Variants in JAK2 observed in about 807,000 individuals in gnomAD.
JAK2 encodes the protein Janus kinase 2, also known as tyrosine-protein kinase JAK2.
A neutral mutation model predicts 139.3 loss-of-function variants in JAK2; 86 were observed. The observed-to-expected ratio is 0.62, with a 90% CI of 0.52 to 0.74. The LOEUF (loss-of-function observed/expected upper bound fraction) is 0.74, where lower values mean the gene tolerates loss of function less well. Ranked by LOEUF, JAK2 falls within the 30% of genes least tolerant of loss-of-function variation. JAK2 has a pLI of 0.00. For missense variants in JAK2, 1,421 were observed against 1,360.3 expected (o/e 1.04, Z -0.70); for synonymous variants, 490 against 437.7 (o/e 1.12, Z -1.49).
intron 22 of JAK2, among the ~76,000 whole-genome samples, chr9:5,122,204 C>G (rs1212052265): frequency 1.3e-5 from 2 of 152,074 alleles, no homozygotes; most frequent in Non-Finnish European, 2.9e-5. Context: ...TAAAACACAT[C>G]TCTGTAGCTG....
chr9:5,000,524 A>G (rs192691236), intron 2 of JAK2, among the ~76,000 whole-genome samples: 71 of 152,326 alleles, frequency 4.7e-4, no homozygotes, highest in African/African-American at 1.7e-3. Context: ...CATTGTGTAG[A>G]TGGTTTTCTA....
intron 3 of JAK2, among the ~76,000 whole-genome samples, chr9:5,026,773 T>G (rs1822811150): frequency 6.6e-6 from 1 of 152,216 alleles, no homozygotes; most frequent in Non-Finnish European, 1.5e-5. Context: ...GCTTGTATTA[T>G]TTACTTGTGT....
At chr9:5,056,105 C>A (rs889949589) in intron 8 of JAK2, among the ~76,000 whole-genome samples, 1 of 151,942 alleles carries the variant, frequency 6.6e-6, no homozygotes, top group African/African-American at 2.4e-5. Context: ...TCACCCCTGA[C>A]TAAAATATTT....
chr9:5,112,053 G>C, intron 22 of JAK2: 1 of 409,230 alleles, frequency 2.4e-6, no homozygotes, highest in Non-Finnish European at 4.9e-6. Context: ...CAGCTACGAC[G>C]GGGGTCTCCA....
chr9:5,104,182 A>G (rs1405628748), intron 22 of JAK2, among the ~76,000 whole-genome samples: 5 of 152,292 alleles, frequency 3.3e-5, no homozygotes, highest in African/African-American at 1.2e-4. Flanking sequence ...CTAATAAAGA[A>G]GAAAAGAGAG....
chr9:5,105,487 G>A (rs981013153), intron 22 of JAK2, among the ~76,000 whole-genome samples: 1 of 152,150 alleles, frequency 6.6e-6, no homozygotes, highest in Non-Finnish European at 1.5e-5. Flanking sequence ...TGGCGATACT[G>A]CCCAAAGTAA....
chr9:5,072,954 G>GAA (rs76887339), intron 13 of JAK2, among the ~76,000 whole-genome samples: 118 of 149,332 alleles, frequency 7.9e-4, no homozygotes, highest in African/African-American at 2.6e-3. Context: ...ACATTTATTT[G>GAA]AAAAAAAAAC....
chr9:5,020,178 G>A (rs1300294974), intron 2 of JAK2, among the ~76,000 whole-genome samples: 2 of 152,164 alleles, frequency 1.3e-5, no homozygotes, highest in African/African-American at 2.4e-5. Flanking sequence ...CAGTGACGGC[G>A]ATTGGCTGGG....
chr9:5,001,338 T>C (rs1175852903), intron 2 of JAK2, among the ~76,000 whole-genome samples: 2 of 152,194 alleles, frequency 1.3e-5, no homozygotes, highest in African/African-American at 4.8e-5. Flanking sequence ...AGATGATCTT[T>C]ATTTTATTGA....
chr9:5,095,593 C>A (rs896740767), intron 22 of JAK2, among the ~76,000 whole-genome samples: 16 of 152,120 alleles, frequency 1.1e-4, no homozygotes, highest in African/African-American at 3.6e-4. Context: ...GGGAACTTCT[C>A]TAATGTCTGG....
intron 5 of JAK2, among the ~76,000 whole-genome samples, chr9:5,049,847 T>C (rs927620356): frequency 2.0e-5 from 3 of 152,252 alleles, no homozygotes; most frequent in Non-Finnish European, 2.9e-5. Flanking sequence ...TACAAACTTA[T>C]ATAGCATGTT....
At position 5,086,834 on chromosome 9, in the gene JAK2, T is replaced by C. The variant is rs1359981977; in HGVS notation, c.2572-2840T>C. ...TTATTGGAACGTAAATTGGTGACCC[T>C]TTCTAGAGAGCTTCTCATAGAGCAG... is the stretch of plus-strand genomic sequence containing the variant. On this transcript the variant is annotated intron_variant, in intron 19 of 24. Coordinates refer to ENST00000381652, the MANE Select transcript of JAK2 (RefSeq NM_004972.4). Among the ~76,000 whole-genome samples the C allele has an allele frequency of 8.5e-5, 13 of 152,206 alleles. 1 individual carries two copies. The highest frequency in any genetic ancestry group is 1.5e-5 in the Non-Finnish European group (1 of 68,040).
chr9:5,083,470 C>G (rs1387871191), intron 19 of JAK2, among the ~76,000 whole-genome samples: 6 of 152,120 alleles, frequency 3.9e-5, no homozygotes, highest in Admixed American at 3.9e-4. Context: ...TGAAATATCT[C>G]CAGATGTCAT....
chr9:5,127,703 G>A lies in JAK2; in HGVS notation c.*912G>A, dbSNP rs925500806. On this transcript the variant is annotated 3_prime_UTR_variant, in exon 25 of 25. Coordinates refer to ENST00000381652, the MANE Select transcript of JAK2 (RefSeq NM_004972.4). ...ACATTCTTCGATCTCTGGGATTTAT[G>A]CTCATGAACTAAATTTAAGCTTAAG... The A allele has an allele frequency of 1.7e-5, 4 of 232,174 alleles. No individual in the cohort carries two copies. Among genetic ancestry groups the A allele is most frequent in the African/African-American group, 4.4e-5 (2 of 45,226 alleles). 14.4% of individuals were successfully genotyped at this position (232,174 alleles called of 1,614,324 possible).
At chr9:5,016,255 A>G (rs1224449534) in intron 2 of JAK2, among the ~76,000 whole-genome samples, 1 of 152,154 alleles carries the variant, frequency 6.6e-6, no homozygotes, top group Admixed American at 6.5e-5. Flanking sequence ...GACTGACTGG[A>G]TCTGCATCGT....
chr9:5,046,676 G>A (rs1293238538), intron 5 of JAK2, among the ~76,000 whole-genome samples: 3 of 152,076 alleles, frequency 2.0e-5, no homozygotes, highest in African/African-American at 4.8e-5. Flanking sequence ...AATGGTCTTG[G>A]CACCTTTGTT....
chr9:5,007,247 A>G (rs1284870626), intron 2 of JAK2, among the ~76,000 whole-genome samples: 1 of 152,160 alleles, frequency 6.6e-6, no homozygotes, highest in East Asian at 1.9e-4. Flanking sequence ...ATTTAAGATT[A>G]TGAATATCTT....
rs775088840 is a variant in JAK2 at position 5,066,754 on chromosome 9, G to A, written c.1291G>A (p.Asp431Asn). 2 of 1,575,604 alleles carry A rather than the reference G, an allele frequency of 1.3e-6. No individual in the cohort carries two copies. Among genetic ancestry groups the A allele is most frequent in the East Asian group, 4.6e-5 (2 of 43,236 alleles). Residue 431 changes from aspartate (D) to asparagine (N), a missense_variant, in exon 10 of 25, where the codon GAC becomes AAC. Physicochemically the swap from Asp to Asn is conservative, Grantham distance 23 (BLOSUM62 1). Coordinates refer to ENST00000381652, the MANE Select transcript of JAK2 (RefSeq NM_004972.4). ...GTATGTACTTCGATGCAGTCCTAAGGACTTTAATAAATATTTTTTGACTTT... is the reference window on the plus strand; with the variant it reads ...GTATGTACTTCGATGCAGTCCTAAGAACTTTAATAAATATTTTTTGACTTT... The part of the protein sequence containing the change: ...GLYVLRCSPK[D>N]FNKYFLTFAV...
chr9:5,066,996 A>G (rs947321574), intron 10 of JAK2, among the ~76,000 whole-genome samples: 1 of 152,110 alleles, frequency 6.6e-6, no homozygotes, highest in Non-Finnish European at 1.5e-5. Flanking sequence ...AATAATTTAT[A>G]ATGTCTATCT....
Sources: allele counts gnomAD v4.1 joint callset (sites outside exome capture counted in the v4.1 genomes callset), GRCh38; gene constraint gnomAD v4.1.1; transcripts MANE v1.5; gene names NCBI Gene and HGNC (gene_info 2026-07-23, HGNC 2026-07-21).